The following NRP1 variants were observed in gnomAD, a reference collection of about 807,000 sequenced individuals.
NRP1 encodes the protein neuropilin 1.
A neutral mutation model predicts 106.7 loss-of-function variants in NRP1; 35 were observed. The observed-to-expected ratio is 0.33, with a 90% CI of 0.25 to 0.43. The LOEUF (loss-of-function observed/expected upper bound fraction) is 0.43. Ranked by LOEUF, NRP1 falls within the 20% of genes least tolerant of loss-of-function variation. The probability of loss-of-function intolerance (pLI) is 1.00; values close to 1 mark genes in which losing one functional copy is unlikely to be tolerated. For synonymous variants in NRP1, 437 were observed against 417.9 expected, an observed-to-expected ratio of 1.05 and a Z score of -0.56; for missense variants, 1,024 against 1,170.4, an observed-to-expected ratio of 0.87 and a Z score of 1.83.
chr10:33,249,463 T>C (rs1162723716), intron 6 of NRP1: 4 of 528,508 alleles, frequency 7.6e-6, no homozygotes, highest in Non-Finnish European at 1.6e-5. Flanking sequence ...TCAGTTTCAA[T>C]GAGCTTAATG....
intron 13 of NRP1, among the ~76,000 whole-genome samples, chr10:33,187,229 C>T (rs1836070824): frequency 1.3e-5 from 2 of 152,170 alleles, no homozygotes; most frequent in African/African-American, 2.4e-5. Flanking sequence ...CATGTGAACA[C>T]ATGCATTAAA....
intron 2 of NRP1, among the ~76,000 whole-genome samples, chr10:33,283,892 G>A (rs1449705124): frequency 6.6e-6 from 1 of 152,282 alleles, no homozygotes; most frequent in South Asian, 2.1e-4. Context: ...AATGGGCTCT[G>A]TGGTTGAACA....
chr10:33,244,059 A>C (rs76475850), intron 6 of NRP1, among the ~76,000 whole-genome samples: 21 of 151,996 alleles, frequency 1.4e-4, no homozygotes, highest in African/African-American at 4.8e-4. Flanking sequence ...GGTGCTTTCA[A>C]ATGGTGCATA....
chr10:33,300,292 C>T (rs980901556), intron 2 of NRP1, among the ~76,000 whole-genome samples: 16 of 152,188 alleles, frequency 1.1e-4, no homozygotes, highest in Non-Finnish European at 1.6e-4. Flanking sequence ...TCAAGAGTGT[C>T]CACCTGGAAG....
intron 2 of NRP1, among the ~76,000 whole-genome samples, chr10:33,305,315 C>T (rs779816350): frequency 5.3e-5 from 8 of 152,118 alleles, no homozygotes; most frequent in Non-Finnish European, 8.8e-5. Context: ...TGTTGGAAAC[C>T]TTTTCATGGT....
intron 11 of NRP1, among the ~76,000 whole-genome samples, chr10:33,199,389 A>ATTTTTT: frequency 2.4e-4 from 9 of 36,850 alleles, no homozygotes; most frequent in Non-Finnish European, 3.2e-4. Flanking sequence ...ATATATATAT[A>ATTTTTT]TTTTTTTTTT....
chr10:33,295,707 CA>C (rs908033080), intron 2 of NRP1, among the ~76,000 whole-genome samples: 9 of 151,972 alleles, frequency 5.9e-5, no homozygotes, highest in African/African-American at 2.2e-4. Flanking sequence ...AACCCAGTCT[CA>C]AAAAAACAAA....
At chr10:33,221,566 G>A (rs937247384) in intron 8 of NRP1, among the ~76,000 whole-genome samples, 153 bp downstream of exon 8, 4 of 152,204 alleles carry the variant, frequency 2.6e-5, no homozygotes, top group South Asian at 2.1e-4. Context: ...ATTTGAACTC[G>A]GATTTGTCTA....
chr10:33,324,205 A>T (rs1338102722), intron 2 of NRP1, among the ~76,000 whole-genome samples: 1 of 152,212 alleles, frequency 6.6e-6, no homozygotes. Context: ...GGGGAAAAAA[A>T]TCAAAAGGAA....
intron 15 of NRP1, among the ~76,000 whole-genome samples, chr10:33,185,100 C>G (rs975265911): frequency 6.6e-6 from 1 of 152,202 alleles, no homozygotes; most frequent in Non-Finnish European, 1.5e-5. Context: ...TAGGCCAAGT[C>G]TCTGAATCTC....
At chr10:33,188,913 AT>A (rs1434199328) in intron 13 of NRP1, among the ~76,000 whole-genome samples, 1 of 135,314 alleles carries the variant, frequency 7.4e-6, no homozygotes, top group African/African-American at 2.9e-5. Context: ...TGTCTTAAAT[AT>A]ATATATATAT....
intron 16 of NRP1, 27 bp from the exon 17 acceptor site, chr10:33,180,392 G>T: frequency 1.3e-6 from 2 of 1,548,796 alleles, no homozygotes; most frequent in Non-Finnish European, 1.7e-6. Context: ...TATTGTCTCC[G>T]TGAGCACCGC....
intron 2 of NRP1, among the ~76,000 whole-genome samples, chr10:33,316,043 A>G (rs1470547257): frequency 1.3e-5 from 2 of 152,196 alleles, no homozygotes; most frequent in Admixed American, 6.5e-5. Flanking sequence ...TACTTATTCT[A>G]GTTAAAAATG....
intron 6 of NRP1, among the ~76,000 whole-genome samples, chr10:33,246,971 T>C (rs1841475612): frequency 6.6e-6 from 1 of 152,094 alleles, no homozygotes; most frequent in Admixed American, 6.5e-5. Flanking sequence ...AAATCAAAAA[T>C]GATTTCACAG....
In NRP1 at chr10:33,199,389, A is replaced by AT. The variant is rs1160327036; in HGVS notation, c.1865-1681dup. 5.7e-3 allele frequency among the ~76,000 whole-genome samples: 211 copies of AT among 36,854 alleles called. 49 individuals carry two copies. Among genetic ancestry groups the AT allele is most frequent in the Non-Finnish European group, 7.6e-3 (168 of 22,152 alleles). 24.2% of individuals were successfully genotyped at this position (36,854 alleles called of 152,430 possible). ...TTTCTATATATATATATATATATAT[A>AT]TTTTTTTTTTTTTTTTTTTTTTTTT... On this transcript the variant is annotated intron_variant, in intron 11 of 16. Coordinates refer to ENST00000374867, the MANE Select transcript of NRP1 (RefSeq NM_003873.7).
At chr10:33,188,619 G>C (rs1053269399) in intron 13 of NRP1, among the ~76,000 whole-genome samples, 2 of 151,926 alleles carry the variant, frequency 1.3e-5, no homozygotes, top group African/African-American at 4.8e-5. Flanking sequence ...GTCCACGCCT[G>C]TAATCCCAGC....
Position 33,334,464 on chromosome 10 carries a change from T to C in NRP1, c.-82A>G. On this transcript the variant is annotated 5_prime_UTR_variant, in exon 1 of 17. Coordinates refer to ENST00000374867, the MANE Select transcript of NRP1 (RefSeq NM_003873.7). ...GCAGCAAAGAGGAGAATCTAAGCGATCCGAAGAGCCCCAACTCCGCCTAGA... is the reference window on the plus strand; with the variant it reads ...GCAGCAAAGAGGAGAATCTAAGCGACCCGAAGAGCCCCAACTCCGCCTAGA... 1.6e-6 allele frequency: 2 copies of C among 1,279,060 alleles called. No individual in the cohort carries two copies. The highest frequency in any genetic ancestry group is 1.3e-5 in the South Asian group (1 of 78,616). 79.2% of individuals were successfully genotyped at this position (1,279,060 alleles called of 1,614,324 possible).
Position 33,207,727 on chromosome 10 carries a change from T to C in NRP1, c.1615-11A>G, listed in dbSNP as rs569278776. On this transcript the variant is annotated splice_polypyrimidine_tract_variant and intron_variant, in intron 9 of 16. Transcript: ENST00000374867. ...GTTGCCCTCAAAAGACTGTGAAGCA[T>C]GGAAAACACAGGGCATTAAGGAAAA... 5 of 1,610,594 alleles carry C rather than the reference T, an allele frequency of 3.1e-6. No homozygotes were observed. Among genetic ancestry groups the C allele is most frequent in the East Asian group, 4.5e-5 (2 of 44,756 alleles).
At chr10:33,206,772 C>G (rs190234789) in intron 10 of NRP1, among the ~76,000 whole-genome samples, 3 of 152,248 alleles carry the variant, frequency 2.0e-5, no homozygotes, top group Admixed American at 2.0e-4. Context: ...GATGGGGATT[C>G]TAGTGCATAA....
Sources: allele counts gnomAD v4.1 joint callset (sites outside exome capture counted in the v4.1 genomes callset), GRCh38; gene constraint gnomAD v4.1.1; transcripts MANE v1.5; gene names NCBI Gene and HGNC (gene_info 2026-07-23, HGNC 2026-07-21).